The following IFTAP variants were observed in gnomAD, a reference collection of about 807,000 sequenced individuals.
IFTAP encodes the protein intraflagellar transport-associated protein.
IFTAP carries 19 observed loss-of-function variants against 19.4 expected under a neutral mutation model. That is an observed-to-expected ratio of 0.98 (90% confidence interval 0.68 to 1.44). The LOEUF is 1.44. IFTAP is among the 40% of genes most tolerant of loss of function. The pLI, the probability that IFTAP is intolerant of heterozygous loss-of-function variation, is 0.00. For missense variants in IFTAP, 240 were observed against 253.6 expected, an observed-to-expected ratio of 0.95 and a Z score of 0.36; for synonymous variants, 85 against 83.5, an observed-to-expected ratio of 1.02 and a Z score of -0.10.
At chr11:36,626,176 T>A (rs536534139) in intron 2 of IFTAP, among the ~76,000 whole-genome samples, 1 of 151,384 alleles carries the variant, frequency 6.6e-6, no homozygotes, top group Admixed American at 6.5e-5. Context: ...AAATGCTGGT[T>A]CAAAAATCTG....
intron 1 of IFTAP, among the ~76,000 whole-genome samples, chr11:36,605,637 A>T (rs1183345591): frequency 6.6e-6 from 1 of 152,190 alleles, no homozygotes; most frequent in African/African-American, 2.4e-5. Context: ...GCAAAAAGTG[A>T]ACCCTATTCC....
intron 5 of IFTAP, among the ~76,000 whole-genome samples, chr11:36,655,338 C>A (rs192611457): frequency 2.0e-5 from 3 of 152,186 alleles, no homozygotes; most frequent in Non-Finnish European, 4.4e-5. Flanking sequence ...TGTTCCAAGA[C>A]GCCTTCTCTG....
chr11:36,612,535 C>A (rs1851911979), intron 2 of IFTAP, among the ~76,000 whole-genome samples: 1 of 152,004 alleles, frequency 6.6e-6, no homozygotes, highest in Non-Finnish European at 1.5e-5. Context: ...GGCATTAAAG[C>A]TGTATTTCCA....
chr11:36,654,475 TTATG>T (rs1853887894), intron 5 of IFTAP, among the ~76,000 whole-genome samples: 1 of 152,086 alleles, frequency 6.6e-6, no homozygotes, highest in Admixed American at 6.6e-5. Flanking sequence ...CTGTGATTCT[TTATG>T]TATTTCTCAA....
chr11:36,647,720 T>C (rs1853544988), intron 4 of IFTAP, among the ~76,000 whole-genome samples: 1 of 151,998 alleles, frequency 6.6e-6, no homozygotes, highest in Non-Finnish European at 1.5e-5. Flanking sequence ...AAAGTAGAAA[T>C]TGAGTTGAGA....
intron 1 of IFTAP, among the ~76,000 whole-genome samples, chr11:36,605,291 T>G (rs777922142): frequency 1.0e-5 from 1 of 99,304 alleles, no homozygotes; most frequent in Non-Finnish European, 1.9e-5. Flanking sequence ...CCCCCCCACT[T>G]TTTTTTTTTG....
intron 5 of IFTAP, among the ~76,000 whole-genome samples, chr11:36,653,811 G>A (rs1853846401): frequency 6.6e-6 from 1 of 152,106 alleles, no homozygotes; most frequent in Admixed American, 6.6e-5. Context: ...CTAGTGCCGA[G>A]CTCAGTGCCA....
intron 5 of IFTAP, among the ~76,000 whole-genome samples, chr11:36,653,188 A>G (rs541519439): frequency 1.3e-5 from 2 of 152,176 alleles, no homozygotes; most frequent in Admixed American, 6.6e-5. Flanking sequence ...CATTAGTTCT[A>G]TTTTCTTTAG....
At chr11:36,621,484 C>T (rs1161577894) in intron 2 of IFTAP, among the ~76,000 whole-genome samples, 1 of 151,952 alleles carries the variant, frequency 6.6e-6, no homozygotes, top group African/African-American at 2.4e-5. Context: ...CAGTTCATTG[C>T]ATCCTTAGCA....
In IFTAP at chr11:36,619,931, T is replaced by C. The variant is rs1463544213; in HGVS notation, c.136+9692T>C. Among the ~76,000 whole-genome samples, 11 of 144,854 alleles carry C rather than the reference T, an allele frequency of 7.6e-5. No individual in the cohort carries two copies. In the Admixed American group the frequency reaches 7.7e-4, roughly 10 times the overall value. ...AGATAATTGAAAATATCATGGCAAA[T>C]AGCAATAAACTTACTTTAACTGAAG... is the stretch of plus-strand genomic sequence containing the variant. On this transcript the variant is annotated intron_variant, in intron 2 of 5. Transcript: ENST00000334307.
At position 36,636,078 on chromosome 11, in the gene IFTAP, T is replaced by G. The variant is rs766914424; in HGVS notation, c.319T>G (p.Leu107Val). 3 of 1,609,266 alleles carry G rather than the reference T, an allele frequency of 1.9e-6. No homozygotes were observed. Among genetic ancestry groups the G allele is most frequent in the East Asian group, 2.2e-5 (1 of 44,830 alleles). The change falls in exon 4 of 6, where the codon TTG becomes GTG. Residue 107 changes from leucine (L) to valine (V), a missense_variant. Coordinates refer to ENST00000334307, the MANE Select transcript of IFTAP (RefSeq NM_138787.4). Reference sequence around the variant, plus strand: ...AGATAATTTCCTAGATTTAGAAGATTTGGACATGGATGAAGAGATTAAACC... The same window carrying G: ...AGATAATTTCCTAGATTTAGAAGATGTGGACATGGATGAAGAGATTAAACC... ...QVDNFLDLED[L>V]DMDEEIKPQM... is the part of the protein sequence containing the mutation.
At chr11:36,602,052 T>C (rs193054815) in intron 1 of IFTAP, among the ~76,000 whole-genome samples, 1 of 152,294 alleles carries the variant, frequency 6.6e-6, no homozygotes, top group East Asian at 1.9e-4. Context: ...TGAGGCAAAA[T>C]TGCAAATAAA....
intron 5 of IFTAP, among the ~76,000 whole-genome samples, chr11:36,653,005 G>A (rs754165441): frequency 1.2e-4 from 19 of 152,032 alleles, no homozygotes; most frequent in Non-Finnish European, 4.4e-5. Flanking sequence ...CCCTCTCCCC[G>A]TGAAAACTGT....
chr11:36,645,124 A>T (rs1403571175), intron 4 of IFTAP, among the ~76,000 whole-genome samples: 1 of 152,148 alleles, frequency 6.6e-6, no homozygotes, highest in Non-Finnish European at 1.5e-5. Context: ...ACAAATGAAC[A>T]GACTGGTTAA....
intron 1 of IFTAP, among the ~76,000 whole-genome samples, chr11:36,603,971 G>A (rs1851600090): frequency 6.6e-6 from 1 of 151,758 alleles, no homozygotes; most frequent in Non-Finnish European, 1.5e-5. Context: ...CTTTAGGGAA[G>A]GACCTAGATC....
Position 36,633,385 on chromosome 11 carries a change from C to T in IFTAP, c.238C>T (p.Leu80Phe). Residue 80 changes from leucine (L) to phenylalanine (F), a missense_variant, in exon 3 of 6, where the codon CTT becomes TTT. By Grantham distance (22) the Leu-to-Phe change is conservative. Transcript: ENST00000334307. The part of the protein sequence containing the change: ...THKNEADDYH[L>F]RNKTIFLRTS... ...TAAAAATGAAGCAGATGACTACCAT[C>T]TTAGAAATAAAACCATCTTTCTTCG... The T allele has an allele frequency of 6.2e-7, 1 of 1,603,990 alleles. No individual in the cohort carries two copies. The highest frequency in any genetic ancestry group is 8.5e-7 in the Non-Finnish European group (1 of 1,175,576).
intron 4 of IFTAP, among the ~76,000 whole-genome samples, chr11:36,638,483 A>G (rs1853053324): frequency 6.6e-6 from 1 of 152,190 alleles, no homozygotes; most frequent in African/African-American, 2.4e-5. Context: ...GGCTTCAGCA[A>G]TCTATTCTAA....
At chr11:36,632,059 G>A (rs764565444) in intron 2 of IFTAP, among the ~76,000 whole-genome samples, 1 of 151,090 alleles carries the variant, frequency 6.6e-6, no homozygotes, top group Non-Finnish European at 1.5e-5. Context: ...AGAGTCAGAA[G>A]GCAGTGTTCA....
At chr11:36,627,115 A>G (rs1488589261) in intron 2 of IFTAP, among the ~76,000 whole-genome samples, 2 of 151,336 alleles carry the variant, frequency 1.3e-5, no homozygotes, top group Non-Finnish European at 2.9e-5. Context: ...TTCCACTGGT[A>G]TGGAATATCT....
Sources: allele counts gnomAD v4.1 joint callset (sites outside exome capture counted in the v4.1 genomes callset), GRCh38; gene constraint gnomAD v4.1.1; transcripts MANE v1.5; gene names NCBI Gene and HGNC (gene_info 2026-07-23, HGNC 2026-07-21).